SRP19: variants seen among roughly 807,000 people sequenced by gnomAD.
SRP19 encodes signal recognition particle 19.
Under a neutral mutation model 22.4 loss-of-function variants are expected in SRP19, and 11 were observed. The ratio of observed to expected loss-of-function variants is 0.49; its 90% CI spans 0.31 to 0.81. SRP19 has a LOEUF of 0.81. Among genes scored for constraint, SRP19 ranks in the 40% least tolerant of loss-of-function variants. SRP19 has a pLI of 0.05. For missense variants in SRP19, 168 were observed against 175.9 expected, an observed-to-expected ratio of 0.96 and a Z score of 0.25; for synonymous variants, 61 against 57.6, an observed-to-expected ratio of 1.06 and a Z score of -0.27.
chr5:112,879,020 C>T (rs986653882), intron 4 of SRP19, among the ~76,000 whole-genome samples: 6 of 151,960 alleles, frequency 3.9e-5, no homozygotes, highest in African/African-American at 1.5e-4. Flanking sequence ...GAAGGTACCT[C>T]TTAGAGCACA....
chr5:112,862,197 G>A (rs899815473), intron 1 of SRP19, among the ~76,000 whole-genome samples: 3 of 152,168 alleles, frequency 2.0e-5, no homozygotes, highest in Non-Finnish European at 2.9e-5. Context: ...AGAGCTGTTG[G>A]TTACAGAATT....
At chr5:112,898,292 A>C (rs978897158) in exon 4 of SRP19, 1 of 152,204 alleles carries the variant, frequency 6.6e-6, no homozygotes, top group Admixed American at 6.5e-5. Flanking sequence ...ATTTTGATTG[A>C]CAGCATCATG....
At chr5:112,893,200 A>T (rs1768554493), downstream of SRP19, 1 of 436,598 alleles carries the variant, frequency 2.3e-6, no homozygotes, top group East Asian at 4.7e-5. Context: ...ACTTGAGGTC[A>T]GGAGTTTGAG....
At chr5:112,892,425 G>T (rs1186741047) in exon 5 of SRP19, 3 of 1,614,098 alleles carry the variant, frequency 1.9e-6, no homozygotes, top group Non-Finnish European at 2.5e-6. Flanking sequence ...TTCAGTTCAA[G>T]GTCAGCTGCA....
intron 4 of SRP19, chr5:112,878,141 A>G (rs1300321604): frequency 6.6e-6 from 1 of 152,480 alleles, no homozygotes; most frequent in Non-Finnish European, 1.5e-5. Flanking sequence ...ATTCGATTTC[A>G]TTTCTCACTT....
chr5:112,889,680 A>G (rs917014590), intron 4 of SRP19, among the ~76,000 whole-genome samples: 6 of 150,590 alleles, frequency 4.0e-5, no homozygotes, highest in Non-Finnish European at 7.4e-5. Flanking sequence ...CATAGATTTT[A>G]ACATTTCCAT....
exon 5 of SRP19, chr5:112,892,366 G>C (rs779357335): frequency 2.5e-6 from 4 of 1,614,142 alleles, no homozygotes; most frequent in South Asian, 2.2e-5. Flanking sequence ...ACAGTTCCTA[G>C]ATTTCTATGA....
At chr5:112,889,871 G>C (rs1481331922) in intron 4 of SRP19, among the ~76,000 whole-genome samples, 2 of 147,322 alleles carry the variant, frequency 1.4e-5, no homozygotes, top group Non-Finnish European at 3.0e-5. Context: ...CTCTTACCCA[G>C]GCTGGAGTGC....
At chr5:112,885,807 C>T (rs542109488) in intron 4 of SRP19, 8 of 214,650 alleles carry the variant, frequency 3.7e-5, no homozygotes, top group Admixed American at 1.2e-4. Flanking sequence ...CAAGCTAATG[C>T]GGTAGTGAAA....
chr5:112,893,549 T>C (rs151308578), downstream of SRP19: 58 of 154,068 alleles, frequency 3.8e-4, no homozygotes, highest in African/African-American at 1.3e-3. Flanking sequence ...ATTCCTTACA[T>C]TTAAAGACTC....
chr5:112,866,336 G>A (rs1426959346), intron 4 of SRP19, among the ~76,000 whole-genome samples: 2 of 151,874 alleles, frequency 1.3e-5, no homozygotes, highest in Admixed American at 1.3e-4. Flanking sequence ...GGCTGGTCTC[G>A]AACTCTCGAC....
At chr5:112,890,202 G>C (rs1768392773) in intron 4 of SRP19, among the ~76,000 whole-genome samples, 1 of 150,264 alleles carries the variant, frequency 6.7e-6, no homozygotes, top group African/African-American at 2.5e-5. Context: ...AGGTGGGAGG[G>C]TGGCTTGACC....
exon 5 of SRP19, chr5:112,892,960 C>G: frequency 6.3e-7 from 1 of 1,594,864 alleles, no homozygotes; most frequent in Non-Finnish European, 8.6e-7. Context: ...CCAGGGCCGC[C>G]GGAGCCAGAG....
At chr5:112,889,639 A>G (rs1768370788) in intron 4 of SRP19, among the ~76,000 whole-genome samples, 1 of 150,460 alleles carries the variant, frequency 6.6e-6, no homozygotes, top group Non-Finnish European at 1.5e-5. Flanking sequence ...GTAAGTCAGA[A>G]TTATATAGAC....
At chr5:112,891,737 G>GA (rs1284134904) in exon 5 of SRP19, 3 of 1,613,974 alleles carry the variant, frequency 1.9e-6, no homozygotes, top group South Asian at 1.1e-5. Flanking sequence ...AAGGAGAAAC[G>GA]AAAGAAACGT....
At chr5:112,885,271 GC>G in intron 4 of SRP19, 1 of 171,374 alleles carries the variant, frequency 5.8e-6, no homozygotes, top group Non-Finnish European at 1.3e-5. Flanking sequence ...AGCTCAAACT[GC>G]CAGAGACAGA....
At position 112,867,462 on chromosome 5, in the gene SRP19, A is replaced by G. The variant is rs1767644101; in HGVS notation, c.360A>G (p.Gln120=). The part of the protein sequence containing the change: ...EMIPKLKTRT[Q]KTGGADQSLQ... The stretch of plus-strand genomic sequence containing the variant: ...TACCTAAACTAAAAACAAGGACACA[A>G]AAAACAGGAGGTGCTGACCAAAGTC... The change falls in exon 5 of 5, where the codon CAA becomes CAG. Residue 120 remains glutamine, a synonymous_variant. Coordinates refer to ENST00000505459, the MANE Select transcript of SRP19 (RefSeq NM_003135.3). The G allele has an allele frequency of 6.2e-7, 1 of 1,614,064 alleles. No individual in the cohort carries two copies. The highest frequency in any genetic ancestry group is 2.2e-5 in the East Asian group (1 of 44,846).
At chr5:112,888,371 C>G (rs1352476623) in intron 4 of SRP19, among the ~76,000 whole-genome samples, 1 of 152,230 alleles carries the variant, frequency 6.6e-6, no homozygotes, top group Non-Finnish European at 1.5e-5. Context: ...TTATACTAGA[C>G]TTTGAACTTG....
Position 112,862,343 on chromosome 5 carries a change from G to A in SRP19, c.42-165G>A, listed in dbSNP as rs1767433400. 4.4e-6 allele frequency: 3 copies of A among 688,988 alleles called. No homozygotes were observed. The East Asian group carries it at 8.2e-5, about 19-fold the overall frequency. 42.7% of individuals were successfully genotyped at this position (688,988 alleles called of 1,614,324 possible). A position where few individuals can be genotyped will look rare whatever the true frequency, so the allele number is the denominator to read the frequency against. ...AGTTGCTCGAGGGGACCACTCCGAGGTACTTTGATTTTTCAACTGCCACGC... is the reference window on the plus strand; with the variant it reads ...AGTTGCTCGAGGGGACCACTCCGAGATACTTTGATTTTTCAACTGCCACGC... On this transcript the variant is annotated intron_variant, in intron 1 of 4. Transcript: ENST00000505459.
Sources: gnomAD v4.1 joint callset for allele counts (sites outside exome capture counted in the v4.1 genomes callset) on GRCh38, gnomAD v4.1.1 for gene constraint, MANE v1.5 for transcripts, NCBI Gene and HGNC (gene_info 2026-07-23, HGNC 2026-07-21) for gene names.